Variants in NUP35 observed in about 807,000 individuals in gnomAD.
NUP35 encodes the protein nucleoporin 35, also known as nucleoporin NUP35.
Under a neutral mutation model 41.5 loss-of-function variants are expected in NUP35, and 25 were observed. That is an observed-to-expected ratio of 0.60 (90% CI 0.44 to 0.84). The LOEUF (loss-of-function observed/expected upper bound fraction) is 0.84, where lower values mean the gene tolerates loss of function less well. Among genes scored for constraint, NUP35 ranks in the 40% least tolerant of loss-of-function variants. The pLI, the probability that NUP35 is intolerant of heterozygous loss-of-function variation, is 0.00. For synonymous variants in NUP35, 149 were observed against 130.7 expected (o/e 1.14, Z -0.96); for missense variants, 396 against 396.6 (o/e 1.00, Z 0.01).
rs775269889 is a variant in NUP35, at chr2:183,151,536, C to T, written c.426C>T (p.Ile142=). ...TGQSMFSPAS[I]GQPRKTTLSP... ...AAAGTATGTTTAGTCCAGCAAGTAT[C>T]GGTCAGCCACGAAAGACGACATTAT... is the stretch of plus-strand genomic sequence containing the variant. The change falls in exon 5 of 9, where the codon ATC becomes ATT. Residue 142 remains isoleucine, a synonymous_variant. Transcript: ENST00000295119. 36 of 1,613,810 alleles carry T rather than the reference C, an allele frequency of 2.2e-5. No homozygotes were observed. Among genetic ancestry groups the T allele is most frequent in the Admixed American group, 3.3e-5 (2 of 59,998 alleles).
At chr2:183,155,065 A>ACCTCTCTCAGGTC (rs1685606314) in intron 5 of NUP35, among the ~76,000 whole-genome samples, 1 of 152,040 alleles carries the variant, frequency 6.6e-6, no homozygotes, top group Non-Finnish European at 1.5e-5. Context: ...TGATTCAATT[A>ACCTCTCTCAGGTC]CCTCTCTCAG....
At chr2:183,154,470 A>C (rs1041968373) in intron 5 of NUP35, among the ~76,000 whole-genome samples, 2 of 152,132 alleles carry the variant, frequency 1.3e-5, no homozygotes, top group African/African-American at 4.8e-5. Context: ...CAGATACCTT[A>C]AATCATCTCT....
upstream of NUP35, chr2:183,124,227 C>A: frequency 1.9e-6 from 2 of 1,043,370 alleles, no homozygotes; most frequent in Non-Finnish European, 2.6e-6. Context: ...ATTCACAGAA[C>A]CATACGCTGG....
chr2:183,118,719 A>T (rs1700024686), intron 1 of NUP35: 1 of 152,200 alleles, frequency 6.6e-6, no homozygotes. Flanking sequence ...AGAGACCAAG[A>T]CAAGTTTTAG....
rs1424828051 is a variant in NUP35, at chr2:183,124,557, G to C, written c.40+60G>C. 3 of 1,600,716 alleles carry C rather than the reference G, an allele frequency of 1.9e-6. No individual in the cohort carries two copies. In the African/African-American group the frequency reaches 4.0e-5, roughly 21 times the overall value. On this transcript the variant is annotated intron_variant, in intron 1 of 8. Transcript: ENST00000295119. ...CCATCCATGCTCTGGGCCTGGAGGC[G>C]GGCAAGACTGAAAGGCAGTCGTCAG...
chr2:183,122,574 C>G (rs1489287988), upstream of NUP35, among the ~76,000 whole-genome samples: 2 of 152,148 alleles, frequency 1.3e-5, no homozygotes, highest in African/African-American at 4.8e-5. Flanking sequence ...TCAAATCCAT[C>G]TAATTCATTT....
At chr2:183,158,957 T>TAC (rs1685772158) in intron 7 of NUP35, among the ~76,000 whole-genome samples, 1 of 152,182 alleles carries the variant, frequency 6.6e-6, no homozygotes, top group Admixed American at 6.5e-5. Flanking sequence ...GTGAACATTC[T>TAC]TTAAGTATAT....
At chr2:183,120,192 T>G (rs1240102120), upstream of NUP35, 1 of 152,306 alleles carries the variant, frequency 6.6e-6, no homozygotes, top group Non-Finnish European at 1.5e-5. Flanking sequence ...ATGCCTGTAA[T>G]CCCAACACTT....
chr2:183,135,459 A>C (rs1385285327), intron 4 of NUP35, among the ~76,000 whole-genome samples: 1 of 152,184 alleles, frequency 6.6e-6, no homozygotes, highest in Non-Finnish European at 1.5e-5. Flanking sequence ...CAGATGTATT[A>C]CATGGCCCTG....
Position 183,161,108 on chromosome 2 carries a change from A to G in NUP35, c.958A>G (p.Met320Val), listed in dbSNP as rs1685861454. The part of the protein sequence containing the change: ...KKDESLVSKA[M>V]EYMFGW Reference sequence around the variant, plus strand: ...AGATGAAAGTCTTGTATCCAAAGCAATGGAGTACATGTTTGGCTGGTAGTA... The same window carrying G: ...AGATGAAAGTCTTGTATCCAAAGCAGTGGAGTACATGTTTGGCTGGTAGTA... The change falls in exon 9 of 9, where the codon ATG (methionine) becomes GTG (valine). Residue 320 changes from methionine (M) to valine (V), a missense_variant. Coordinates refer to ENST00000295119, the MANE Select transcript of NUP35 (RefSeq NM_138285.5). The G allele has an allele frequency of 6.2e-7, 1 of 1,613,048 alleles. No individual in the cohort carries two copies. Among genetic ancestry groups the G allele is most frequent in the Non-Finnish European group, 8.5e-7 (1 of 1,179,290 alleles).
At chr2:183,134,616 A>G (rs1684812963) in intron 4 of NUP35, among the ~76,000 whole-genome samples, 1 of 148,272 alleles carries the variant, frequency 6.7e-6, no homozygotes, top group Non-Finnish European at 1.5e-5. Flanking sequence ...ACAAAAATCT[A>G]TTTTTCTTTT....
rs111231319 is a variant in NUP35 at position 183,142,713 on chromosome 2, C to T, written c.398-8795C>T. Among the ~76,000 whole-genome samples the T allele has an allele frequency of 8.4e-3, 1,284 of 152,054 alleles. 18 individuals are homozygous for T. The highest frequency in any genetic ancestry group is 0.029 in the African/African-American group (1,197 of 41,480). ...CAGGCTGGTCTTGAACTCCTGACCTCAAGTGATCCACCTGCATCAGCCTCC... is the reference window on the plus strand; with the variant it reads ...CAGGCTGGTCTTGAACTCCTGACCTTAAGTGATCCACCTGCATCAGCCTCC... On this transcript the variant is annotated intron_variant, in intron 4 of 8. Coordinates refer to ENST00000295119, the MANE Select transcript of NUP35 (RefSeq NM_138285.5).
chr2:183,138,269 A>ATATATATATATATATATATTTTT, intron 4 of NUP35, among the ~76,000 whole-genome samples: 5 of 80,694 alleles, frequency 6.2e-5, no homozygotes, highest in African/African-American at 3.1e-4. Flanking sequence ...ATATATATAT[A>ATATATATATATATATATATTTTT]TTTTTTTTTT....
At chr2:183,160,695 T>A (rs989137138) in intron 8 of NUP35, 1 of 154,066 alleles carries the variant, frequency 6.5e-6, no homozygotes. Context: ...TTTTCTAATT[T>A]AAGAAACAGA....
upstream of NUP35, among the ~76,000 whole-genome samples, chr2:183,120,316 T>C (rs1049815317): frequency 5.9e-5 from 9 of 152,054 alleles, no homozygotes; most frequent in African/African-American, 2.2e-4. Context: ...TGTGGCGGTG[T>C]ACACCTGTAA....
chr2:183,138,841 A>T (rs1349787296), intron 4 of NUP35, among the ~76,000 whole-genome samples: 2 of 152,232 alleles, frequency 1.3e-5, no homozygotes, highest in Admixed American at 6.5e-5. Context: ...AAGTGATAGT[A>T]GCACTTTATG....
intron 5 of NUP35, among the ~76,000 whole-genome samples, chr2:183,157,149 G>T (rs1176649681): frequency 1.3e-5 from 2 of 151,912 alleles, no homozygotes; most frequent in Non-Finnish European, 2.9e-5. Context: ...CAACTTTATA[G>T]TTTTTTTTCT....
chr2:183,131,366 A>G (rs908547478), intron 3 of NUP35: 4 of 152,954 alleles, frequency 2.6e-5, no homozygotes, highest in African/African-American at 9.6e-5. Flanking sequence ...AGTTCTTTAT[A>G]TAAAGATATG....
At chr2:183,154,441 G>T (rs1685577516) in intron 5 of NUP35, among the ~76,000 whole-genome samples, 1 of 152,160 alleles carries the variant, frequency 6.6e-6, no homozygotes, top group African/African-American at 2.4e-5. Context: ...ATGCTTTGCT[G>T]CTTAGAAATT....
Sources: gnomAD v4.1 joint callset for allele counts (sites outside exome capture counted in the v4.1 genomes callset) on GRCh38, gnomAD v4.1.1 for gene constraint, MANE v1.5 for transcripts, NCBI Gene and HGNC (gene_info 2026-07-23, HGNC 2026-07-21) for gene names.